Variants in CAMSAP2 observed in about 807,000 individuals in gnomAD.
The protein encoded by CAMSAP2 is calmodulin regulated spectrin associated protein family member 2, also known as calmodulin-regulated spectrin-associated protein 2.
Under a neutral mutation model 146.1 loss-of-function variants are expected in CAMSAP2, and 26 were observed. The ratio of observed to expected loss-of-function variants is 0.18; its 90% CI spans 0.13 to 0.25. The LOEUF (loss-of-function observed/expected upper bound fraction) is 0.25. Among genes scored for constraint, CAMSAP2 ranks in the 10% least tolerant of loss-of-function variants. CAMSAP2 has a pLI of 1.00. For missense variants in CAMSAP2, 1,381 were observed against 1,759.3 expected, an observed-to-expected ratio of 0.78 and a Z score of 3.85; for synonymous variants, 499 against 596.6, an observed-to-expected ratio of 0.84 and a Z score of 2.38.
intron 1 of CAMSAP2, among the ~76,000 whole-genome samples, chr1:200,751,791 G>C (rs1442832499): frequency 6.6e-6 from 1 of 152,146 alleles, no homozygotes; most frequent in Non-Finnish European, 1.5e-5. Context: ...TAATTAAGAT[G>C]GAGAGACACA....
chr1:200,843,740 G>T (rs905712029), intron 7 of CAMSAP2, among the ~76,000 whole-genome samples: 1 of 151,914 alleles, frequency 6.6e-6, no homozygotes, highest in Non-Finnish European at 1.5e-5. Context: ...TTCTCTAATT[G>T]ACCAAAATAC....
At chr1:200,819,390 C>T (rs761837944) in intron 4 of CAMSAP2, among the ~76,000 whole-genome samples, 2 of 152,114 alleles carry the variant, frequency 1.3e-5, no homozygotes, top group African/African-American at 2.4e-5. Context: ...ATAAGTTGCA[C>T]AGGTGTCTTG....
intron 2 of CAMSAP2, among the ~76,000 whole-genome samples, chr1:200,804,902 G>A (rs1325808254): frequency 6.6e-6 from 1 of 152,082 alleles, no homozygotes; most frequent in East Asian, 1.9e-4. Flanking sequence ...GCAACAAAAT[G>A]ACTTAACTCC....
At chr1:200,802,040 C>T (rs1213196426) in intron 2 of CAMSAP2, among the ~76,000 whole-genome samples, 1 of 152,090 alleles carries the variant, frequency 6.6e-6, no homozygotes, top group Non-Finnish European at 1.5e-5. Context: ...GTACAACTGT[C>T]TTGGTTTAAA....
intron 3 of CAMSAP2, among the ~76,000 whole-genome samples, chr1:200,813,864 T>C (rs1015529399): frequency 6.6e-6 from 1 of 151,954 alleles, no homozygotes; most frequent in Non-Finnish European, 1.5e-5. Flanking sequence ...TTTCGGAGGC[T>C]GAGGCAGGTG....
At chr1:200,800,440 A>G (rs1273559151) in intron 2 of CAMSAP2, among the ~76,000 whole-genome samples, 1 of 151,502 alleles carries the variant, frequency 6.6e-6, no homozygotes, top group South Asian at 2.1e-4. Flanking sequence ...GTCTTTTTTT[A>G]TCTTTGTTGG....
chr1:200,753,552 A>C (rs1376815583), intron 1 of CAMSAP2, among the ~76,000 whole-genome samples: 1 of 152,124 alleles, frequency 6.6e-6, no homozygotes, highest in Non-Finnish European at 1.5e-5. Context: ...TGAGATCCTT[A>C]CATGGGTGCT....
At chr1:200,758,856 C>T (rs913408804) in intron 1 of CAMSAP2, among the ~76,000 whole-genome samples, 10 of 152,128 alleles carry the variant, frequency 6.6e-5, no homozygotes, top group African/African-American at 2.4e-4. Context: ...TTGTCTTTAG[C>T]AGTTAGTCTC....
intron 2 of CAMSAP2, among the ~76,000 whole-genome samples, chr1:200,762,023 A>G (rs546672983): frequency 7.2e-5 from 11 of 152,348 alleles, no homozygotes; most frequent in African/African-American, 2.6e-4. Flanking sequence ...TTAGAAAGAA[A>G]AGTGGTTTTT....
At chr1:200,740,587 T>C (rs1664134115) in intron 1 of CAMSAP2, among the ~76,000 whole-genome samples, 1 of 152,234 alleles carries the variant, frequency 6.6e-6, no homozygotes, top group African/African-American at 2.4e-5. Flanking sequence ...TCATTTCATA[T>C]TATCAGTGAG....
intron 2 of CAMSAP2, among the ~76,000 whole-genome samples, chr1:200,769,285 T>C (rs1665046639): frequency 6.6e-6 from 1 of 152,188 alleles, no homozygotes; most frequent in Non-Finnish European, 1.5e-5. Context: ...TGAGCTGATA[T>C]TGCTAAACTT....
In CAMSAP2 at chr1:200,832,585, A is replaced by G; in HGVS notation, c.788-121A>G. On this transcript the variant is annotated intron_variant, in intron 5 of 16. Coordinates refer to ENST00000358823, the MANE Select transcript of CAMSAP2 (RefSeq NM_203459.4). This position sits in a 1 kb window ranked among gnomAD's most constrained non-coding sequence, Gnocchi z 4.2. ...TAAGTCTTAATGTATAATGACTACT[A>G]TATTTATAAATGTATGTTTGTTAAC... 2.2e-6 allele frequency: 2 copies of G among 891,902 alleles called. No individual in the cohort carries two copies. The highest frequency in any genetic ancestry group is 2.9e-5 in the East Asian group (1 of 34,964). The allele number at this position is 891,902 out of a possible 1,614,324, so 55.2% of individuals were successfully genotyped here.
chr1:200,849,251 G>A lies in CAMSAP2; in HGVS notation c.2482G>A (p.Gly828Arg), dbSNP rs1412779480. The change falls in exon 11 of 17, where the codon GGA becomes AGA. Residue 828 changes from glycine to arginine, a missense_variant. Physicochemically the swap from Gly to Arg is moderately radical, Grantham distance 125. Coordinates refer to ENST00000358823, the MANE Select transcript of CAMSAP2 (RefSeq NM_203459.4). The surrounding 1 kb of genome is among the most constrained non-coding windows in gnomAD (Gnocchi z 6.3). ...AKEKESQKTD[G>R]QRSKSLADIK... ...AGAAAAGGAATCACAAAAAACTGATGGACAAAGGAGCAAGTCACTGGCAGA... is the reference window on the plus strand; with the variant it reads ...AGAAAAGGAATCACAAAAAACTGATAGACAAAGGAGCAAGTCACTGGCAGA... The A allele has an allele frequency of 6.2e-7, 1 of 1,613,824 alleles. No individual in the cohort carries two copies. Among genetic ancestry groups the A allele is most frequent in the Non-Finnish European group, 8.5e-7 (1 of 1,180,004 alleles).
chr1:200,835,707 T>A (rs1320587153), intron 6 of CAMSAP2, among the ~76,000 whole-genome samples: 1 of 152,192 alleles, frequency 6.6e-6, no homozygotes, highest in Non-Finnish European at 1.5e-5. Flanking sequence ...TCCATATATA[T>A]CTTGTAATGC....
chr1:200,835,783 C>T (rs886473010), intron 6 of CAMSAP2, among the ~76,000 whole-genome samples: 2 of 152,240 alleles, frequency 1.3e-5, no homozygotes, highest in African/African-American at 4.8e-5. Context: ...AAGGCATCAA[C>T]ATGATATCTA....
intron 2 of CAMSAP2, among the ~76,000 whole-genome samples, chr1:200,784,594 A>ATT (rs56865744): frequency 5.8e-4 from 88 of 152,070 alleles, no homozygotes; most frequent in African/African-American, 2.0e-3. Flanking sequence ...AATTTTGAAC[A>ATT]TTTTTTTTAT....
At chr1:200,837,420 G>A (rs1363144170) in intron 6 of CAMSAP2, among the ~76,000 whole-genome samples, 2 of 151,522 alleles carry the variant, frequency 1.3e-5, no homozygotes, top group Non-Finnish European at 3.0e-5. Flanking sequence ...CTTATTTCTG[G>A]GCTCTCTGTT....
At chr1:200,822,457 C>T (rs1239974539) in intron 4 of CAMSAP2, among the ~76,000 whole-genome samples, 2 of 152,052 alleles carry the variant, frequency 1.3e-5, no homozygotes, top group African/African-American at 2.4e-5. Context: ...TAATAGAATA[C>T]TTCTCAATTT....
chr1:200,820,326 G>A (rs1666716368), intron 4 of CAMSAP2, among the ~76,000 whole-genome samples: 1 of 152,108 alleles, frequency 6.6e-6, no homozygotes, highest in Non-Finnish European at 1.5e-5. Flanking sequence ...AAAGTGCTGG[G>A]ATTATAGGTA....
Sources: gnomAD v4.1 joint callset for allele counts (sites outside exome capture counted in the v4.1 genomes callset) on GRCh38, gnomAD v4.1.1 for gene constraint, Gnocchi (gnomAD v3.1) non-coding constraint, MANE v1.5 for transcripts, NCBI Gene and HGNC (gene_info 2026-07-23, HGNC 2026-07-21) for gene names.